The following CNTNAP2 variants were observed in gnomAD, a reference collection of about 807,000 sequenced individuals.
CNTNAP2 encodes the protein contactin associated protein 2.
CNTNAP2 carries 98 observed loss-of-function variants against 155.2 expected under a neutral mutation model. That is an observed-to-expected ratio of 0.63 (90% CI 0.54 to 0.75). The LOEUF is 0.75. CNTNAP2 is among the 30% of genes least tolerant of loss of function. CNTNAP2 has a pLI of 0.00. For missense variants in CNTNAP2, 1,727 were observed against 1,688.1 expected, an observed-to-expected ratio of 1.02 and a Z score of -0.40; for synonymous variants, 651 against 631.2, an observed-to-expected ratio of 1.03 and a Z score of -0.47.
At chr7:146,451,042 G>A (rs1796472661) in intron 1 of CNTNAP2, among the ~76,000 whole-genome samples, 1 of 152,014 alleles carries the variant, frequency 6.6e-6, no homozygotes, top group Admixed American at 6.6e-5. Flanking sequence ...TGACCCCCGG[G>A]TTCACGCCAT....
At chr7:146,646,627 C>G (rs955963840) in intron 1 of CNTNAP2, among the ~76,000 whole-genome samples, 2 of 152,154 alleles carry the variant, frequency 1.3e-5, no homozygotes, top group African/African-American at 4.8e-5. Flanking sequence ...TGGACATATT[C>G]TCAAATTTTC....
intron 14 of CNTNAP2, among the ~76,000 whole-genome samples, chr7:147,909,571 T>C (rs184024783): frequency 6.6e-6 from 1 of 152,300 alleles, no homozygotes; most frequent in East Asian, 1.9e-4. Flanking sequence ...AGATTGAATG[T>C]AATTTAACAT....
intron 10 of CNTNAP2, among the ~76,000 whole-genome samples, chr7:147,418,828 G>T (rs1187144298): frequency 6.6e-6 from 1 of 152,198 alleles, no homozygotes; most frequent in Admixed American, 6.5e-5. Context: ...AGTTAGGATA[G>T]AATCTAGAGG....
At chr7:147,724,681 C>G (rs1008412218) in intron 13 of CNTNAP2, among the ~76,000 whole-genome samples, 1 of 151,924 alleles carries the variant, frequency 6.6e-6, no homozygotes, top group Non-Finnish European at 1.5e-5. Flanking sequence ...AATCCCTAAC[C>G]CTTCTGGATA....
At chr7:147,138,105 T>C (rs1801524403) in intron 8 of CNTNAP2, among the ~76,000 whole-genome samples, 1 of 151,948 alleles carries the variant, frequency 6.6e-6, no homozygotes, top group South Asian at 2.1e-4. Context: ...TTTGTACCTT[T>C]TGATGGGCTT....
chr7:146,942,646 T>G (rs747461680), intron 3 of CNTNAP2, among the ~76,000 whole-genome samples: 2 of 151,328 alleles, frequency 1.3e-5, no homozygotes, highest in African/African-American at 4.9e-5. Context: ...GACACAGGAG[T>G]GGCCAATGAA....
intron 16 of CNTNAP2, among the ~76,000 whole-genome samples, chr7:148,120,783 T>C (rs1346193461): frequency 6.6e-6 from 1 of 152,140 alleles, no homozygotes. Context: ...GAGCCCCCTG[T>C]ATCTACTAAT....
At chr7:147,836,675 G>A (rs1008446367) in intron 13 of CNTNAP2, among the ~76,000 whole-genome samples, 4 of 152,086 alleles carry the variant, frequency 2.6e-5, no homozygotes, top group Admixed American at 2.0e-4. Flanking sequence ...ACTCTCTGAC[G>A]GCAGGCACAG....
chr7:146,511,045 C>T (rs1402954586), intron 1 of CNTNAP2, among the ~76,000 whole-genome samples: 1 of 152,044 alleles, frequency 6.6e-6, no homozygotes, highest in Non-Finnish European at 1.5e-5. Context: ...CACAGGTGCC[C>T]ATCACCATGC....
intron 10 of CNTNAP2, among the ~76,000 whole-genome samples, chr7:147,460,586 T>G (rs4726864): frequency 0.8 from 121,418 of 152,196 alleles, 49,075 homozygotes; most frequent in African/African-American, 0.94. Context: ...TAATCATTTT[T>G]AAATTGGGCT....
intron 3 of CNTNAP2, among the ~76,000 whole-genome samples, chr7:146,877,581 T>A (rs567442450): frequency 6.6e-6 from 1 of 151,330 alleles, no homozygotes; most frequent in Middle Eastern, 3.5e-3. Context: ...TGTGTGTATA[T>A]GTATACATAT....
chr7:146,697,262 G>A (rs1428876616), intron 1 of CNTNAP2, among the ~76,000 whole-genome samples: 1 of 150,834 alleles, frequency 6.6e-6, no homozygotes, highest in African/African-American at 2.4e-5. Flanking sequence ...TTTTGAGACA[G>A]GGTCTTGCTC....
At chr7:146,730,205 T>G (rs1014970045) in intron 1 of CNTNAP2, among the ~76,000 whole-genome samples, 1 of 151,948 alleles carries the variant, frequency 6.6e-6, no homozygotes, top group African/African-American at 2.4e-5. Flanking sequence ...ACATTTAAAA[T>G]AAATAGATTT....
At chr7:147,352,427 C>A (rs1190730438) in intron 9 of CNTNAP2, among the ~76,000 whole-genome samples, 4 of 151,910 alleles carry the variant, frequency 2.6e-5, no homozygotes, top group Non-Finnish European at 5.9e-5. Context: ...TACCTCTAAA[C>A]CTAATCATAC....
chr7:146,588,027 T>A (rs1273659911), intron 1 of CNTNAP2, among the ~76,000 whole-genome samples: 1 of 151,834 alleles, frequency 6.6e-6, no homozygotes, highest in East Asian at 1.9e-4. Context: ...TGTGTGTGTG[T>A]GTGTGTAAAT....
At chr7:146,794,290 C>T (rs1340111693) in intron 2 of CNTNAP2, among the ~76,000 whole-genome samples, 5 of 152,264 alleles carry the variant, frequency 3.3e-5, no homozygotes, top group Admixed American at 2.6e-4. Context: ...ATGCAACCTT[C>T]TGTTTATTAT....
intron 3 of CNTNAP2, among the ~76,000 whole-genome samples, chr7:146,938,998 T>C (rs1585170016): frequency 6.6e-6 from 1 of 152,086 alleles, no homozygotes; most frequent in Admixed American, 6.5e-5. Flanking sequence ...TAGCCTTTAC[T>C]GTAGGACAAA....
At chr7:147,236,923 C>T (rs1266462473) in intron 8 of CNTNAP2, among the ~76,000 whole-genome samples, 1 of 151,988 alleles carries the variant, frequency 6.6e-6, no homozygotes, top group African/African-American at 2.4e-5. Context: ...TTGCCATGCC[C>T]AAAATTCTTA....
intron 13 of CNTNAP2, among the ~76,000 whole-genome samples, chr7:147,692,373 C>T (rs1051836872): frequency 5.9e-5 from 9 of 151,968 alleles, no homozygotes; most frequent in African/African-American, 2.2e-4. Context: ...AAATACCAAA[C>T]AACACTATTG....
Sources: gnomAD v4.1 joint callset for allele counts (sites outside exome capture counted in the v4.1 genomes callset) on GRCh38, gnomAD v4.1.1 for gene constraint, MANE v1.5 for transcripts, NCBI Gene and HGNC (gene_info 2026-07-23, HGNC 2026-07-21) for gene names.